The following IRS1 variants were observed in gnomAD, a reference collection of about 807,000 sequenced individuals.
The protein encoded by IRS1 is insulin receptor substrate 1.
Under a neutral mutation model 65.6 loss-of-function variants are expected in IRS1, and 34 were observed. That is an observed-to-expected ratio of 0.52 (90% CI 0.39 to 0.69). The LOEUF (loss-of-function observed/expected upper bound fraction) is 0.69. Ranked by LOEUF, IRS1 falls within the 30% of genes least tolerant of loss-of-function variation. The pLI, the probability that IRS1 is intolerant of heterozygous loss-of-function variation, is 0.00. For missense variants in IRS1, 1,641 were observed against 1,720.2 expected (o/e 0.95, Z 0.81); for synonymous variants, 699 against 683.5 (o/e 1.02, Z -0.35).
At position 226,766,163 on chromosome 2, in the gene IRS1, A is replaced by ATTTTTTTTTTTTT. The variant is rs5839180; in HGVS notation, c.*21+28813_*21+28825dup. ...TATATATATATATATATATATATAT[A>ATTTTTTTTTTTTT]TTTTTTTTTTTTTTTTTTGAGACAG... On this transcript the variant is annotated intron_variant, in intron 1 of 1. Transcript: ENST00000305123. Among the ~76,000 whole-genome samples the ATTTTTTTTTTTTT allele has an allele frequency of 7.0e-3, 32 of 4,592 alleles. 8 individuals are homozygous for ATTTTTTTTTTTTT. The highest frequency in any genetic ancestry group is 0.02 in the Admixed American group (3 of 152). The allele number at this position is 4,592 out of a possible 152,430, so 3.0% of individuals were successfully genotyped here.
In IRS1 at chr2:226,798,285, C is replaced by G. The variant is rs764594875; in HGVS notation, c.454G>C (p.Gly152Arg). 6.2e-7 allele frequency: 1 copy of G among 1,613,104 alleles called. No individual in the cohort carries two copies. The highest frequency in any genetic ancestry group is 2.2e-5 in the East Asian group (1 of 44,874). Residue 152 changes from glycine (G) to arginine (R), a missense_variant, in exon 1 of 2, where the codon GGT (glycine) becomes CGT (arginine). Physicochemically the swap from Gly to Arg is moderately radical, Grantham distance 125. Coordinates refer to ENST00000305123, the MANE Select transcript of IRS1 (RefSeq NM_005544.3). This position sits in a 1 kb window ranked among gnomAD's most constrained non-coding sequence, Gnocchi z 9.4. ...LGEAGEDLSY[G>R]DVPPGPAFKE... ...AATGCGGGTCCTGGGGGCACGTCAC[C>G]GTAGCTCAAGTCCTCCCCAGCCTCA... is the stretch of plus-strand genomic sequence containing the variant.
intron 1 of IRS1, among the ~76,000 whole-genome samples, chr2:226,766,355 G>A (rs547829071): frequency 2.5e-3 from 375 of 149,670 alleles, no homozygotes; most frequent in African/African-American, 8.9e-3. Context: ...GTAGAGACGG[G>A]GTTTTGCCAT....
In IRS1 at chr2:226,799,359, T is replaced by TTGCTGTTGCTGCTGCTGCTGC; in HGVS notation, c.-642_-622dup. ...CGCAGAGACCGCGGCGCTGCGGCTG[T>TTGCTGTTGCTGCTGCTGCTGC]TGCTGTTGCTGCTGCTGCTGCTGCT... On this transcript the variant is annotated 5_prime_UTR_variant, in exon 1 of 2. Coordinates refer to ENST00000305123, the MANE Select transcript of IRS1 (RefSeq NM_005544.3). The surrounding 1 kb of genome is among the most constrained non-coding windows in gnomAD (Gnocchi z 6.1). The TTGCTGTTGCTGCTGCTGCTGC allele has an allele frequency of 7.9e-7, 1 of 1,259,024 alleles. No homozygotes were observed. Among genetic ancestry groups the TTGCTGTTGCTGCTGCTGCTGC allele is most frequent in the Non-Finnish European group, 1.0e-6 (1 of 969,568 alleles). 78.0% of individuals were successfully genotyped at this position (1,259,024 alleles called of 1,614,324 possible).
In IRS1 at chr2:226,796,513, G is replaced by A. The variant is rs556540292; in HGVS notation, c.2226C>T (p.Asn742=). The A allele has an allele frequency of 3.1e-6, 5 of 1,614,032 alleles. No homozygotes were observed. The highest frequency in any genetic ancestry group is 4.5e-5 in the East Asian group (2 of 44,878). ...YMNMSPVGDS[N]TSSPSDCYYG... is the part of the protein sequence containing the mutation. The stretch of plus-strand genomic sequence containing the variant: ...AGTAGCAGTCGGAGGGGCTGCTGGT[G>A]TTGGAGTCCCCCACTGGTGACATGT... The change falls in exon 1 of 2, where the codon AAC becomes AAT. Residue 742 remains asparagine (N), a synonymous_variant. Coordinates refer to ENST00000305123, the MANE Select transcript of IRS1 (RefSeq NM_005544.3).
intron 1 of IRS1, among the ~76,000 whole-genome samples, chr2:226,737,189 G>A (rs941718424): frequency 3.4e-5 from 5 of 147,982 alleles, no homozygotes; most frequent in South Asian, 2.1e-4. Context: ...GAGAATATGC[G>A]CTGTTTGGTT....
intron 1 of IRS1, among the ~76,000 whole-genome samples, chr2:226,761,106 C>T (rs1938906967): frequency 6.6e-6 from 1 of 152,178 alleles, no homozygotes; most frequent in South Asian, 2.1e-4. Flanking sequence ...GGTTCACTGC[C>T]AGCTCATGAT....
chr2:226,781,218 T>C (rs918158194), intron 1 of IRS1, among the ~76,000 whole-genome samples: 2 of 152,238 alleles, frequency 1.3e-5, no homozygotes, highest in African/African-American at 4.8e-5. Flanking sequence ...GCATTGATTT[T>C]ACATTGCAAA....
At chr2:226,789,425 C>A (rs1015892244) in intron 1 of IRS1, among the ~76,000 whole-genome samples, 4 of 152,200 alleles carry the variant, frequency 2.6e-5, no homozygotes, top group Admixed American at 2.0e-4. Flanking sequence ...CTGGACAACA[C>A]TAATTTTGCC....
At chr2:226,752,141 T>G (rs561238768) in intron 1 of IRS1, among the ~76,000 whole-genome samples, 1 of 152,324 alleles carries the variant, frequency 6.6e-6, no homozygotes, top group East Asian at 1.9e-4. Flanking sequence ...GGATTCCTTG[T>G]GCAGGTAGCT....
At chr2:226,774,969 G>T (rs1220941170) in intron 1 of IRS1, among the ~76,000 whole-genome samples, 1 of 152,146 alleles carries the variant, frequency 6.6e-6, no homozygotes, top group Non-Finnish European at 1.5e-5. Context: ...GAAGCACAGA[G>T]CATTTTTTAG....
rs1335832619 is a variant in IRS1, at chr2:226,732,214, A to G, written c.*4058T>C. On this transcript the variant is annotated 3_prime_UTR_variant, in exon 2 of 2. Transcript: ENST00000305123. ...TAGTGGGAGACACACAACAGGCTAC[A>G]TATTCTCTACCCATACTTAGGAGAC... 1 of 152,092 alleles carries G rather than the reference A, an allele frequency of 6.6e-6. No homozygotes were observed. The highest frequency in any genetic ancestry group is 1.5e-5 in the Non-Finnish European group (1 of 68,022). The allele number at this position is 152,092 out of a possible 1,614,324, so 9.4% of individuals were successfully genotyped here. A position where few individuals can be genotyped will look rare whatever the true frequency, so the allele number is the denominator to read the frequency against.
intron 1 of IRS1, among the ~76,000 whole-genome samples, chr2:226,763,752 C>T (rs545824935): frequency 6.6e-6 from 1 of 152,218 alleles, no homozygotes; most frequent in South Asian, 2.1e-4. Context: ...TTCCAAATCA[C>T]CTTTAATTGC....
chr2:226,754,080 C>G (rs929629027), intron 1 of IRS1, among the ~76,000 whole-genome samples: 3 of 152,168 alleles, frequency 2.0e-5, no homozygotes, highest in African/African-American at 7.2e-5. Context: ...TCTCAAACTC[C>G]TGGGCTCAAG....
Position 226,795,240 on chromosome 2 carries a change from A to G in IRS1, c.3499T>C (p.Cys1167Arg). The G allele has an allele frequency of 1.2e-6, 2 of 1,613,960 alleles. No individual in the cohort carries two copies. The highest frequency in any genetic ancestry group is 1.7e-6 in the Non-Finnish European group (2 of 1,179,982). The change falls in exon 1 of 2, where the codon TGT becomes CGT. Residue 1167 changes from cysteine to arginine, a missense_variant. By Grantham distance (180) the Cys-to-Arg change is radical (BLOSUM62 -3). This residue lies in a region of IRS1 where 1,324 missense variants were observed against 1,361.0 expected (regional missense o/e 0.97). Transcript: ENST00000305123. ...TTCTCCAAACCCCCAGCAGCCCCAC[A>G]CAGTTTGGCTGGCTCCTTGGGGGCT... ...GGAPKEPAKL[C>R]GAAGGLENGL...
chr2:226,758,561 G>A (rs969039618), intron 1 of IRS1, among the ~76,000 whole-genome samples: 9 of 152,024 alleles, frequency 5.9e-5, no homozygotes, highest in African/African-American at 1.9e-4. Context: ...TCTTATTAGA[G>A]GGTTAAACTT....
chr2:226,744,083 G>C (rs1938492579), intron 1 of IRS1, among the ~76,000 whole-genome samples: 1 of 152,118 alleles, frequency 6.6e-6, no homozygotes, highest in South Asian at 2.1e-4. Context: ...AATAGCCCAG[G>C]AATCAGGCAC....
At chr2:226,763,745 C>T (rs1433951359) in intron 1 of IRS1, among the ~76,000 whole-genome samples, 1 of 152,064 alleles carries the variant, frequency 6.6e-6, no homozygotes, top group East Asian at 1.9e-4. Flanking sequence ...CCAGTAATTC[C>T]AAATCACCTT....
Position 226,799,383 on chromosome 2 carries a change from C to A in IRS1, c.-645G>T. ...GTTGCTGTTGCTGCTGCTGCTGCTG[C>A]TGCTGCTGCCGCCGCCCGCGGGCGC... On this transcript the variant is annotated 5_prime_UTR_variant, in exon 1 of 2. Coordinates refer to ENST00000305123, the MANE Select transcript of IRS1 (RefSeq NM_005544.3). This position sits in a 1 kb window ranked among gnomAD's most constrained non-coding sequence, Gnocchi z 6.1. 1 of 1,270,152 alleles carries A rather than the reference C, an allele frequency of 7.9e-7. No homozygotes were observed. The highest frequency in any genetic ancestry group is 1.0e-6 in the Non-Finnish European group (1 of 974,012). The allele number at this position is 1,270,152 out of a possible 1,614,324, so 78.7% of individuals were successfully genotyped here. A position where few individuals can be genotyped will look rare whatever the true frequency, so the allele number is the denominator to read the frequency against.
intron 1 of IRS1, among the ~76,000 whole-genome samples, chr2:226,766,159 A>ATTTTT (rs1433312154): frequency 1.0e-3 from 6 of 5,756 alleles, no homozygotes; most frequent in African/African-American, 2.2e-3. Flanking sequence ...ATATATATAT[A>ATTTTT]TATATTTTTT....
Sources: allele counts gnomAD v4.1 joint callset (sites outside exome capture counted in the v4.1 genomes callset), GRCh38; gene constraint gnomAD v4.1.1; regional missense constraint gnomAD v4.1.1; non-coding constraint Gnocchi (gnomAD v3.1); transcripts MANE v1.5; gene names NCBI Gene and HGNC (gene_info 2026-07-23, HGNC 2026-07-21).